Variants in AGO3 observed in about 807,000 individuals in gnomAD.
AGO3 encodes the protein protein argonaute-3.
A neutral mutation model predicts 105.5 loss-of-function variants in AGO3; 16 were observed. The ratio of observed to expected loss-of-function variants is 0.15; its 90% confidence interval spans 0.10 to 0.23. The LOEUF (loss-of-function observed/expected upper bound fraction) is 0.23, where lower values mean the gene tolerates loss of function less well. Among genes scored for constraint, AGO3 ranks in the 10% least tolerant of loss-of-function variants. The pLI is 1.00. For missense variants in AGO3, 534 were observed against 1,088.0 expected (o/e 0.49, Z 7.16); for synonymous variants, 340 against 367.3 (o/e 0.93, Z 0.85).
intron 6 of AGO3, chr1:36,005,994 T>A: frequency 2.8e-6 from 2 of 719,420 alleles, no homozygotes; most frequent in Non-Finnish European, 3.4e-6. Context: ...TGCTAGCACC[T>A]AGATTTTGGT....
intron 2 of AGO3, among the ~76,000 whole-genome samples, chr1:35,947,142 C>G (rs1029319574): frequency 6.6e-6 from 1 of 151,966 alleles, no homozygotes; most frequent in African/African-American, 2.4e-5. Context: ...GGAAGGATAG[C>G]AGTAACAAAA....
At chr1:36,035,559 C>G (rs1395182772) in intron 13 of AGO3, among the ~76,000 whole-genome samples, 2 of 152,076 alleles carry the variant, frequency 1.3e-5, no homozygotes, top group African/African-American at 4.8e-5. Context: ...TCCTTTTTCC[C>G]TTGAGAGATT....
rs1642327838 is a variant in AGO3, at chr1:36,043,339, A to G, written c.2173-108A>G. On this transcript the variant is annotated intron_variant, in intron 16 of 18. Coordinates refer to ENST00000373191, the MANE Select transcript of AGO3 (RefSeq NM_024852.4). ...TGCTTAAGTCATATTTCAAGGTGAA[A>G]GTAGTGAAATGTAGGATCAGCCTAT... 43 of 793,906 alleles carry G rather than the reference A, an allele frequency of 5.4e-5. 1 individual carries two copies. The South Asian group carries it at 7.3e-4, about 14-fold the overall frequency. 49.2% of individuals were successfully genotyped at this position (793,906 alleles called of 1,614,324 possible).
At chr1:35,949,831 C>T (rs1646436630) in intron 2 of AGO3, among the ~76,000 whole-genome samples, 1 of 152,080 alleles carries the variant, frequency 6.6e-6, no homozygotes, top group African/African-American at 2.4e-5. Context: ...CCTATGTTGC[C>T]CAGGCTGGTT....
At chr1:36,049,752 A>G (rs1642625362) in intron 17 of AGO3, among the ~76,000 whole-genome samples, 1 of 152,176 alleles carries the variant, frequency 6.6e-6, no homozygotes, top group African/African-American at 2.4e-5. Context: ...AAATGCAAGC[A>G]GGAGTAGCTG....
intron 5 of AGO3, among the ~76,000 whole-genome samples, chr1:35,999,581 C>CAT (rs1639991725): frequency 6.6e-6 from 1 of 152,152 alleles, no homozygotes; most frequent in South Asian, 2.1e-4. Context: ...AGGTCTTATA[C>CAT]ACCTTTTGTT....
chr1:36,011,635 T>C (rs1376904658), intron 9 of AGO3, among the ~76,000 whole-genome samples: 2 of 152,192 alleles, frequency 1.3e-5, no homozygotes, highest in Non-Finnish European at 2.9e-5. Flanking sequence ...CAACCCTGGG[T>C]TGGAAGTCTG....
chr1:35,971,997 A>G (rs1646878987), intron 3 of AGO3, 27 bp from the exon 4 acceptor site: 1 of 1,586,162 alleles, frequency 6.3e-7, no homozygotes, highest in Non-Finnish European at 8.7e-7. Context: ...TTCAACATTT[A>G]CCAGTTGACT....
chr1:36,029,357 A>C (rs2148836715), intron 12 of AGO3, among the ~76,000 whole-genome samples: 1 of 151,318 alleles, frequency 6.6e-6, no homozygotes, highest in Admixed American at 6.6e-5. Context: ...GATTTGACTG[A>C]GTACTGAGTA....
Position 36,013,688 on chromosome 1 carries a change from G to A in AGO3, c.1208G>A (p.Arg403Gln), listed in dbSNP as rs765986279. Residue 403 changes from arginine (R) to glutamine (Q), a missense_variant, in exon 10 of 19, where the codon CGG (arginine) becomes CAG (glutamine). Around this residue, in one of 2 missense-constraint regions of AGO3, gnomAD observed 373 missense variants for 854.0 expected, o/e 0.44. Transcript: ENST00000373191. ...PFVQEFQFKV[R>Q]DEMAHVTGRV... Reference sequence around the variant, plus strand: ...GTTCAGGAGTTTCAATTTAAAGTTCGGGATGAAATGGCTCATGTAACTGGA... The same window carrying A: ...GTTCAGGAGTTTCAATTTAAAGTTCAGGATGAAATGGCTCATGTAACTGGA... 5 of 1,614,092 alleles carry A rather than the reference G, an allele frequency of 3.1e-6. No individual in the cohort carries two copies. The highest frequency in any genetic ancestry group is 2.2e-5 in the East Asian group (1 of 44,884).
chr1:36,060,306 C>G lies in AGO3; in HGVS notation c.*4561C>G, dbSNP rs1443541240. The G allele has an allele frequency of 6.6e-6, 1 of 152,218 alleles. No individual in the cohort carries two copies. The highest frequency in any genetic ancestry group is 1.5e-5 in the Non-Finnish European group (1 of 68,066). 9.4% of individuals were successfully genotyped at this position (152,218 alleles called of 1,614,324 possible). A position where few individuals can be genotyped will look rare whatever the true frequency, so the allele number is the denominator to read the frequency against. On this transcript the variant is annotated 3_prime_UTR_variant, in exon 19 of 19. Transcript: ENST00000373191. ...GAGTCATGAAAGACTGAAGGCATGT[C>G]TAGGGAAATAAAACCTGACTTGCCC... is the stretch of plus-strand genomic sequence containing the variant.
chr1:35,937,200 G>C (rs564777848), intron 1 of AGO3, among the ~76,000 whole-genome samples: 1 of 152,112 alleles, frequency 6.6e-6, no homozygotes, highest in Admixed American at 6.6e-5. Context: ...TCAGGAGTTC[G>C]AGACTAGCCT....
Position 35,931,120 on chromosome 1 carries a change from GC to G in AGO3, c.-304del, listed in dbSNP as rs1646035611. On this transcript the variant is annotated 5_prime_UTR_variant, in exon 1 of 19. Transcript: ENST00000373191. Reference sequence around the variant, plus strand: ...GGCCCCGGGCAGGTCGGCGGCGGCGGCCCGCAGTCGTGGAGGAGCGGTGGGA... The same window carrying G: ...GGCCCCGGGCAGGTCGGCGGCGGCGGCCGCAGTCGTGGAGGAGCGGTGGGA... The G allele has an allele frequency of 7.6e-6, 3 of 396,050 alleles. No homozygotes were observed. The highest frequency in any genetic ancestry group is 1.2e-4 in the South Asian group (1 of 8,066). 24.5% of individuals were successfully genotyped at this position (396,050 alleles called of 1,614,324 possible). A position where few individuals can be genotyped will look rare whatever the true frequency, so the allele number is the denominator to read the frequency against.
chr1:35,945,566 G>A lies in AGO3; in HGVS notation c.20-126G>A, dbSNP rs556010677. On this transcript the variant is annotated intron_variant, in intron 1 of 18. Coordinates refer to ENST00000373191, the MANE Select transcript of AGO3 (RefSeq NM_024852.4). ...CAGAAGTTGAAGTGTTAGAAATGAT[G>A]TCATCTTGCAGAACTAGGTTTTAGC... The A allele has an allele frequency of 7.8e-6, 7 of 893,380 alleles. No individual in the cohort carries two copies. In the Admixed American group the frequency reaches 1.7e-4, roughly 22 times the overall value. The allele number at this position is 893,380 out of a possible 1,614,324, so 55.3% of individuals were successfully genotyped here. A position where few individuals can be genotyped will look rare whatever the true frequency, so the allele number is the denominator to read the frequency against.
At chr1:35,955,770 T>C (rs1241814876) in intron 2 of AGO3, among the ~76,000 whole-genome samples, 1 of 152,094 alleles carries the variant, frequency 6.6e-6, no homozygotes, top group Non-Finnish European at 1.5e-5. Flanking sequence ...AATTTTTGTA[T>C]TTTTTATAGA....
In AGO3 at chr1:36,009,373, A is replaced by T; in HGVS notation, c.1030-102A>T. On this transcript the variant is annotated intron_variant, in intron 8 of 18. Coordinates refer to ENST00000373191, the MANE Select transcript of AGO3 (RefSeq NM_024852.4). ...TAACATATTGAAAATAAGTGGTTTA[A>T]TGAAGTTGATTTTAAATTTTTATTT... is the stretch of plus-strand genomic sequence containing the variant. 3 of 1,320,796 alleles carry T rather than the reference A, an allele frequency of 2.3e-6. No individual in the cohort carries two copies. In the South Asian group the frequency reaches 4.9e-5, roughly 21 times the overall value. 81.8% of individuals were successfully genotyped at this position (1,320,796 alleles called of 1,614,324 possible). A position where few individuals can be genotyped will look rare whatever the true frequency, so the allele number is the denominator to read the frequency against.
intron 5 of AGO3, among the ~76,000 whole-genome samples, chr1:35,999,352 A>G (rs1414159473): frequency 6.6e-6 from 1 of 152,150 alleles, no homozygotes; most frequent in Non-Finnish European, 1.5e-5. Flanking sequence ...AAAAAAAAAT[A>G]AAGACTTGTT....
At chr1:35,996,071 G>A (rs558489742) in intron 5 of AGO3, among the ~76,000 whole-genome samples, 9 of 152,258 alleles carry the variant, frequency 5.9e-5, no homozygotes, top group African/African-American at 2.2e-4. Context: ...AGGCGCACTG[G>A]CTCACACCTA....
chr1:35,932,796 G>C (rs2148735952), intron 1 of AGO3, among the ~76,000 whole-genome samples: 1 of 152,210 alleles, frequency 6.6e-6, no homozygotes, highest in South Asian at 2.1e-4. Flanking sequence ...GTGATTATTT[G>C]GGACCATAGG....
Sources: gnomAD v4.1 joint callset for allele counts (sites outside exome capture counted in the v4.1 genomes callset) on GRCh38, gnomAD v4.1.1 for gene constraint, gnomAD v4.1.1 regional missense constraint, MANE v1.5 for transcripts, NCBI Gene and HGNC (gene_info 2026-07-23, HGNC 2026-07-21) for gene names.